SLC12A6: variants seen among roughly 807,000 people sequenced by gnomAD.
SLC12A6 encodes the protein solute carrier family 12 member 6, also known as K-Cl cotransporter 3.
A neutral mutation model predicts 135.3 loss-of-function variants in SLC12A6; 66 were observed. That is an observed-to-expected ratio of 0.49 (90% CI 0.40 to 0.60). SLC12A6 has a LOEUF of 0.60. Among genes scored for constraint, SLC12A6 ranks in the 20% least tolerant of loss-of-function variants. The probability of loss-of-function intolerance (pLI) is 0.00; values close to 1 mark genes in which losing one functional copy is unlikely to be tolerated. For missense variants in SLC12A6, 1,058 were observed against 1,452.3 expected (o/e 0.73, Z 4.41); for synonymous variants, 513 against 508.8 (o/e 1.01, Z -0.11).
intron 2 of SLC12A6, among the ~76,000 whole-genome samples, chr15:34,294,755 T>C (rs1321248320): frequency 1.3e-5 from 2 of 151,972 alleles, no homozygotes; most frequent in Non-Finnish European, 2.9e-5. Flanking sequence ...AGAGACAAAA[T>C]ATATCACCCA....
intron 25 of SLC12A6, among the ~76,000 whole-genome samples, chr15:34,234,561 G>A (rs1021440001): frequency 6.6e-6 from 1 of 151,908 alleles, no homozygotes; most frequent in Non-Finnish European, 1.5e-5. Flanking sequence ...TAGTGGAGAC[G>A]GGGTTTCACC....
In SLC12A6 at chr15:34,254,476, T is replaced by C. The variant is rs772084561; in HGVS notation, c.990A>G (p.Val330=). Residue 330 remains valine, a synonymous_variant, in exon 9 of 26, where the codon GTA becomes GTG. Coordinates refer to ENST00000354181, the MANE Select transcript of SLC12A6 (RefSeq NM_001365088.1). ...VYGTAFLVLM[V]LVVFIGVRYV... is the part of the protein sequence containing the mutation. The stretch of plus-strand genomic sequence containing the variant: ...AGCGTACGCCGATAAATACCACTAA[T>C]ACCATAAGGACCAAGAAAGCTGTGC... The C allele has an allele frequency of 3.7e-6, 6 of 1,613,696 alleles. No homozygotes were observed. Among genetic ancestry groups the C allele is most frequent in the African/African-American group, 1.3e-5 (1 of 74,898 alleles).
intron 3 of SLC12A6, among the ~76,000 whole-genome samples, chr15:34,267,570 T>G (rs975098116): frequency 6.6e-6 from 1 of 152,196 alleles, no homozygotes; most frequent in African/African-American, 2.4e-5. Context: ...GTCTCCAGGC[T>G]GGGCGCAGCA....
At chr15:34,235,431 A>ATTTTTTTTTTTTTT (rs371322623) in intron 24 of SLC12A6, 117 bp from the exon 25 acceptor site, 25 of 503,410 alleles carry the variant, frequency 5.0e-5, no homozygotes, top group African/African-American at 9.2e-5. Flanking sequence ...TGATAAAATG[A>ATTTTTTTTTTTTTT]TTTTTTTTTT....
At chr15:34,321,841 G>T (rs1049564305) in intron 2 of SLC12A6, among the ~76,000 whole-genome samples, 1 of 152,192 alleles carries the variant, frequency 6.6e-6, no homozygotes, top group East Asian at 1.9e-4. Flanking sequence ...ATTACGGCTA[G>T]GTGAAAGATG....
At chr15:34,252,539 A>T (rs928314410) in intron 9 of SLC12A6, among the ~76,000 whole-genome samples, 155 bp from the exon 10 acceptor site, 2 of 152,184 alleles carry the variant, frequency 1.3e-5, no homozygotes, top group African/African-American at 2.4e-5. Flanking sequence ...TTTATAATTT[A>T]TTTTAACACT....
intron 2 of SLC12A6, among the ~76,000 whole-genome samples, chr15:34,322,915 G>A (rs979264864): frequency 2.5e-4 from 34 of 136,726 alleles, no homozygotes; most frequent in Admixed American, 7.7e-4. Flanking sequence ...GCAGGTGGAA[G>A]TTGCAGTGAG....
chr15:34,280,138 C>T (rs1320920464), intron 2 of SLC12A6, among the ~76,000 whole-genome samples: 1 of 152,152 alleles, frequency 6.6e-6, no homozygotes, highest in Non-Finnish European at 1.5e-5. Context: ...CTATTTTGAA[C>T]AAAATTTCCT....
Position 34,260,379 on chromosome 15 carries a change from C to T in SLC12A6, c.411+547G>A, listed in dbSNP as rs1893033373. ...GTGCATGCCATTCTCCTGCCTCAGCCTCCCGAGTAGCTGGGACCACAGGCG... is the reference window on the plus strand; with the variant it reads ...GTGCATGCCATTCTCCTGCCTCAGCTTCCCGAGTAGCTGGGACCACAGGCG... On this transcript the variant is annotated intron_variant, in intron 4 of 25. Transcript: ENST00000354181. 2.0e-5 allele frequency among the ~76,000 whole-genome samples: 3 copies of T among 152,318 alleles called. No individual in the cohort carries two copies. The East Asian group carries it at 5.8e-4, about 29-fold the overall frequency.
At chr15:34,234,140 G>T (rs948677234) in intron 25 of SLC12A6, among the ~76,000 whole-genome samples, 168 bp from the exon 26 acceptor site, 4 of 152,190 alleles carry the variant, frequency 2.6e-5, no homozygotes, top group South Asian at 2.1e-4. Context: ...GAAGTAACCA[G>T]AGATCCAGTC....
intron 3 of SLC12A6, among the ~76,000 whole-genome samples, chr15:34,269,256 T>C (rs188247016): frequency 6.6e-6 from 1 of 152,314 alleles, no homozygotes; most frequent in East Asian, 1.9e-4. Flanking sequence ...TGAAAACTGA[T>C]AGGATAATTC....
chr15:34,257,044 T>C (rs949917589), intron 6 of SLC12A6, among the ~76,000 whole-genome samples: 8 of 152,262 alleles, frequency 5.3e-5, no homozygotes, highest in Non-Finnish European at 1.0e-4. Flanking sequence ...GGGGATAATA[T>C]ACAGGTAGGG....
At chr15:34,299,390 CTAAGCATCTA>C (rs1239632425) in intron 2 of SLC12A6, among the ~76,000 whole-genome samples, 1 of 152,162 alleles carries the variant, frequency 6.6e-6, no homozygotes, top group Non-Finnish European at 1.5e-5. Context: ...CAAATATTTA[CTAAGCATCTA>C]TAAATGTCAG....
At chr15:34,322,359 AGAGT>A (rs1281027591) in intron 2 of SLC12A6, among the ~76,000 whole-genome samples, 1 of 151,766 alleles carries the variant, frequency 6.6e-6, no homozygotes, top group East Asian at 1.9e-4. Context: ...CTGGGCAACA[AGAGT>A]GAAACTCTAT....
At chr15:34,251,414 A>AT (rs1388541306) in intron 10 of SLC12A6, among the ~76,000 whole-genome samples, 1 of 151,910 alleles carries the variant, frequency 6.6e-6, no homozygotes, top group African/African-American at 2.4e-5. Flanking sequence ...CGCCCAGCTA[A>AT]TTTTTTATAT....
At chr15:34,241,079 G>A in intron 18 of SLC12A6, 154 bp downstream of exon 18, 3 of 668,496 alleles carry the variant, frequency 4.5e-6, no homozygotes, top group Admixed American at 2.5e-5. Context: ...ATGAAGAAAA[G>A]GGAATAAAAA....
At chr15:34,246,177 C>T (rs1232645355) in intron 13 of SLC12A6, among the ~76,000 whole-genome samples, 2 of 152,164 alleles carry the variant, frequency 1.3e-5, no homozygotes, top group African/African-American at 2.4e-5. Context: ...AAGTGATTCA[C>T]CTGCCTCAGC....
rs397963192 is a variant in SLC12A6 at position 34,326,858 on chromosome 15, C to CTTT, written c.271+9549_271+9551dup. On this transcript the variant is annotated intron_variant, in intron 2 of 25. Coordinates refer to ENST00000354181, the MANE Select transcript of SLC12A6 (RefSeq NM_001365088.1). ...AGGTGCACACCACCACAACTGGCTG[C>CTTT]TTTTTTTTTTTTTTTTTTTTTTTTT... Among the ~76,000 whole-genome samples the CTTT allele has an allele frequency of 1.1e-3, 77 of 72,172 alleles. 8 individuals are homozygous for CTTT. The highest frequency in any genetic ancestry group is 4.3e-3 in the African/African-American group (51 of 11,860). The allele number at this position is 72,172 out of a possible 152,430, so 47.3% of individuals were successfully genotyped here. A position where few individuals can be genotyped will look rare whatever the true frequency, so the allele number is the denominator to read the frequency against.
At chr15:34,261,067 C>A (rs368565015) in intron 3 of SLC12A6, 47 bp from the exon 4 acceptor site, 1 of 947,902 alleles carries the variant, frequency 1.1e-6, no homozygotes, top group Admixed American at 1.7e-5. Flanking sequence ...TGGTTTCTGA[C>A]GAAGAAACAT....
Sources: gnomAD v4.1 joint callset for allele counts (sites outside exome capture counted in the v4.1 genomes callset) on GRCh38, gnomAD v4.1.1 for gene constraint, MANE v1.5 for transcripts, NCBI Gene and HGNC (gene_info 2026-07-23, HGNC 2026-07-21) for gene names.